NT5DC1: variants seen among roughly 807,000 people sequenced by gnomAD.
NT5DC1 encodes 5'-nucleotidase domain-containing protein 1.
Under a neutral mutation model 59.4 loss-of-function variants are expected in NT5DC1, and 42 were observed. That is an observed-to-expected ratio of 0.71 (90% CI 0.55 to 0.92). The LOEUF (loss-of-function observed/expected upper bound fraction) is 0.92. Among genes scored for constraint, NT5DC1 ranks in the 40% least tolerant of loss-of-function variants. NT5DC1 has a pLI of 0.00. For synonymous variants in NT5DC1, 172 were observed against 188.1 expected (o/e 0.91, Z 0.70); for missense variants, 501 against 537.1 (o/e 0.93, Z 0.66).
chr6:116,114,006 A>G (rs1299068577), intron 4 of NT5DC1, among the ~76,000 whole-genome samples: 3 of 152,178 alleles, frequency 2.0e-5, no homozygotes, highest in Non-Finnish European at 4.4e-5. Context: ...GTCCTACAGC[A>G]TAGCAAAGCA....
chr6:116,197,701 A>G (rs1386402781), intron 6 of NT5DC1, among the ~76,000 whole-genome samples: 1 of 152,064 alleles, frequency 6.6e-6, no homozygotes, highest in Non-Finnish European at 1.5e-5. Context: ...CCACATGTGA[A>G]AATAAACTTG....
chr6:116,163,054 G>A (rs1780374033), intron 6 of NT5DC1, among the ~76,000 whole-genome samples: 1 of 149,400 alleles, frequency 6.7e-6, no homozygotes, highest in Admixed American at 6.7e-5. Context: ...GTGAACCCGG[G>A]AGGTGGAGCT....
At chr6:116,105,167 C>G (rs1778744198) in intron 1 of NT5DC1, among the ~76,000 whole-genome samples, 1 of 152,196 alleles carries the variant, frequency 6.6e-6, no homozygotes, top group African/African-American at 2.4e-5. Flanking sequence ...TTTCTCCATG[C>G]TCATATCCTG....
At chr6:116,236,639 G>C (rs1013037399) in intron 8 of NT5DC1, among the ~76,000 whole-genome samples, 2 of 152,146 alleles carry the variant, frequency 1.3e-5, no homozygotes, top group African/African-American at 4.8e-5. Flanking sequence ...TTGGTAAACC[G>C]TTTTGTAGCA....
chr6:116,129,151 G>T (rs187216992), intron 6 of NT5DC1, among the ~76,000 whole-genome samples: 6 of 151,904 alleles, frequency 3.9e-5, no homozygotes, highest in East Asian at 1.9e-4. Context: ...TGTCATCATC[G>T]TATTAAAAAA....
At chr6:116,210,804 TA>T (rs915831992) in intron 6 of NT5DC1, among the ~76,000 whole-genome samples, 3 of 151,682 alleles carry the variant, frequency 2.0e-5, no homozygotes, top group African/African-American at 7.3e-5. Context: ...GAAACACAGG[TA>T]AAAAAAACTA....
rs763819850 is a variant in NT5DC1 at position 116,121,691 on chromosome 6, C to T, written c.529+3746C>T. Reference sequence around the variant, plus strand: ...AGCCGGTCCAGGGATTCCAGGTGGTCCTGGTGGGCCCCGGGGTCCTGGTAG... The same window carrying T: ...AGCCGGTCCAGGGATTCCAGGTGGTTCTGGTGGGCCCCGGGGTCCTGGTAG... On this transcript the variant is annotated intron_variant, in intron 6 of 11. Transcript: ENST00000319550. 11 of 1,613,732 alleles carry T rather than the reference C, an allele frequency of 6.8e-6. No individual in the cohort carries two copies. The highest frequency in any genetic ancestry group is 5.0e-5 in the Admixed American group (3 of 60,022).
intron 6 of NT5DC1, chr6:116,121,837 C>A (rs1352869576): frequency 6.2e-7 from 1 of 1,613,752 alleles, no homozygotes; most frequent in Non-Finnish European, 8.5e-7. Flanking sequence ...GCAACCCTGG[C>A]TCTCCTTGGA....
chr6:116,133,316 CA>C (rs1192078932), intron 6 of NT5DC1, among the ~76,000 whole-genome samples: 1 of 152,176 alleles, frequency 6.6e-6, no homozygotes, highest in Non-Finnish European at 1.5e-5. Flanking sequence ...CTTTCACATG[CA>C]GTTTCTGCTA....
intron 11 of NT5DC1, among the ~76,000 whole-genome samples, chr6:116,240,531 A>T (rs1244007653): frequency 1.3e-5 from 2 of 152,232 alleles, no homozygotes; most frequent in African/African-American, 4.8e-5. Context: ...GGCATCTGTG[A>T]TTGGAGTCCC....
rs1328804713 is a variant in NT5DC1 at position 116,210,252 on chromosome 6, G to A, written c.530-10802G>A. ...TGCAAGATTTTAAATAAATTTATAT[G>A]TAAGGTTCAAAAAGAAGCTAATTTG... On this transcript the variant is annotated intron_variant, in intron 6 of 11. Coordinates refer to ENST00000319550, the MANE Select transcript of NT5DC1 (RefSeq NM_152729.3). 7.9e-5 allele frequency among the ~76,000 whole-genome samples: 12 copies of A among 151,790 alleles called. No homozygotes were observed. The East Asian group carries it at 2.3e-3, about 29-fold the overall frequency.
In NT5DC1 at chr6:116,185,479, T is replaced by C. The variant is rs538133887; in HGVS notation, c.530-35575T>C. ...GTGGAGTATTGAAGTCCCCCACTAT[T>C]ATTGTGTTGCTGTTGATCTCATTTT... On this transcript the variant is annotated intron_variant, in intron 6 of 11. Coordinates refer to ENST00000319550, the MANE Select transcript of NT5DC1 (RefSeq NM_152729.3). Among the ~76,000 whole-genome samples the C allele has an allele frequency of 2.6e-5, 4 of 152,196 alleles. No homozygotes were observed. The South Asian group carries it at 8.3e-4, about 32-fold the overall frequency.
chr6:116,192,718 C>G (rs1203558898), intron 6 of NT5DC1, among the ~76,000 whole-genome samples: 1 of 152,078 alleles, frequency 6.6e-6, no homozygotes, highest in Non-Finnish European at 1.5e-5. Context: ...AAAACTTCAA[C>G]TAACCAGAAT....
chr6:116,157,118 G>A (rs762253324), intron 6 of NT5DC1, among the ~76,000 whole-genome samples: 3 of 152,200 alleles, frequency 2.0e-5, no homozygotes, highest in African/African-American at 4.8e-5. Context: ...ATTTGGGTAT[G>A]AGAATATGGA....
intron 6 of NT5DC1, among the ~76,000 whole-genome samples, chr6:116,213,570 T>A (rs979739036): frequency 6.6e-6 from 1 of 152,130 alleles, no homozygotes; most frequent in Non-Finnish European, 1.5e-5. Flanking sequence ...TCTAGACATA[T>A]GAGGTGGGAG....
intron 8 of NT5DC1, among the ~76,000 whole-genome samples, chr6:116,231,157 C>CCCCCA (rs1782013130): frequency 6.9e-6 from 1 of 144,894 alleles, no homozygotes; most frequent in African/African-American, 2.6e-5. Flanking sequence ...ATCCCCCCCC[C>CCCCCA]AAACCAAAGT....
chr6:116,206,562 G>A (rs1013918763), intron 6 of NT5DC1, among the ~76,000 whole-genome samples: 4 of 151,966 alleles, frequency 2.6e-5, no homozygotes, highest in African/African-American at 7.2e-5. Flanking sequence ...GTGCTCTGAA[G>A]CTTTTCAGTA....
chr6:116,102,724 CTTT>C, intron 1 of NT5DC1, among the ~76,000 whole-genome samples: 1 of 152,290 alleles, frequency 6.6e-6, no homozygotes, highest in Non-Finnish European at 1.5e-5. Flanking sequence ...GTGTGGAAAT[CTTT>C]TTTATTTTAA....
intron 8 of NT5DC1, among the ~76,000 whole-genome samples, chr6:116,224,466 C>A (rs1227403857): frequency 1.3e-5 from 2 of 152,178 alleles, no homozygotes; most frequent in East Asian, 3.9e-4. Flanking sequence ...AGCTAATAAC[C>A]ACCTTATGAG....
Sources: allele counts gnomAD v4.1 joint callset (sites outside exome capture counted in the v4.1 genomes callset), GRCh38; gene constraint gnomAD v4.1.1; transcripts MANE v1.5; gene names NCBI Gene and HGNC (gene_info 2026-07-23, HGNC 2026-07-21).